Variants in STAU2 observed in about 807,000 individuals in gnomAD.
The protein encoded by STAU2 is double-stranded RNA-binding protein Staufen homolog 2.
STAU2 carries 20 observed loss-of-function variants against 65.9 expected under a neutral mutation model. The ratio of observed to expected loss-of-function variants is 0.30; its 90% confidence interval spans 0.21 to 0.44. The LOEUF (loss-of-function observed/expected upper bound fraction) is 0.44. STAU2 is among the 20% of genes least tolerant of loss of function. The pLI, the probability that STAU2 is intolerant of heterozygous loss-of-function variation, is 1.00. For missense variants in STAU2, 558 were observed against 683.9 expected, an observed-to-expected ratio of 0.82 and a Z score of 2.05; for synonymous variants, 232 against 233.9, an observed-to-expected ratio of 0.99 and a Z score of 0.07.
chr8:73,616,353 G>A (rs1392519591), intron 7 of STAU2, among the ~76,000 whole-genome samples: 1 of 152,102 alleles, frequency 6.6e-6, no homozygotes, highest in Non-Finnish European at 1.5e-5. Context: ...GATCTAGTGG[G>A]AAAACAGATC....
At chr8:73,617,263 A>T in intron 7 of STAU2, 29 bp downstream of exon 7, 1 of 1,606,098 alleles carries the variant, frequency 6.2e-7, no homozygotes, top group Non-Finnish European at 8.5e-7. Context: ...AGTAGAAAGA[A>T]CAGACTGTCA....
chr8:73,734,568 G>C (rs545559817), intron 3 of STAU2, among the ~76,000 whole-genome samples: 2 of 152,136 alleles, frequency 1.3e-5, no homozygotes, highest in Non-Finnish European at 1.5e-5. Context: ...GGCCAAGGCA[G>C]GCAGACCACG....
At chr8:73,629,428 C>T (rs537198574) in intron 6 of STAU2, among the ~76,000 whole-genome samples, 10 of 152,228 alleles carry the variant, frequency 6.6e-5, no homozygotes, top group African/African-American at 2.2e-4. Flanking sequence ...TATCCTCTCA[C>T]CTGCGATAAG....
chr8:73,552,085 G>C lies in STAU2; in HGVS notation c.1457C>G (p.Ser486Cys), dbSNP rs544513370. 160 of 1,612,580 alleles carry C rather than the reference G, an allele frequency of 9.9e-5. No individual in the cohort carries two copies. Among genetic ancestry groups the C allele is most frequent in the Non-Finnish European group, 1.3e-4 (149 of 1,179,112 alleles). The change falls in exon 13 of 15, where the codon TCT becomes TGT. Residue 486 changes from serine (S) to cysteine (C), a missense_variant. Ser to Cys is a moderately radical substitution (Grantham distance 112). Transcript: ENST00000524300. Reference sequence around the variant, plus strand: ...TACTGGAGAACAAGGGGGAGTAGGAGAACTTCCTTTTAAACCTATGGCTTC... The same window carrying C: ...TACTGGAGAACAAGGGGGAGTAGGACAACTTCCTTTTAAACCTATGGCTTC... ...TAEAIGLKGSSPTPPCSPVQP... is the reference protein window; with the variant it reads ...TAEAIGLKGSCPTPPCSPVQP...
chr8:73,627,221 GGA>G (rs1813730308), intron 6 of STAU2, among the ~76,000 whole-genome samples: 6 of 53,786 alleles, frequency 1.1e-4, no homozygotes, highest in African/African-American at 3.3e-4. Context: ...GGGGGGGGGG[GGA>G]GGGGGGGGCA....
At chr8:73,459,598 C>T (rs889754755) in intron 13 of STAU2, among the ~76,000 whole-genome samples, 9 of 151,960 alleles carry the variant, frequency 5.9e-5, no homozygotes, top group African/African-American at 2.2e-4. Context: ...TGATCCCCTC[C>T]GCGAAGACCT....
At chr8:73,590,075 G>C (rs1563442741) in intron 11 of STAU2, among the ~76,000 whole-genome samples, 1 of 149,870 alleles carries the variant, frequency 6.7e-6, no homozygotes, top group Non-Finnish European at 1.5e-5. Context: ...ATAGAAGAAA[G>C]AGGAGAAGGA....
chr8:73,668,450 C>T (rs1328388629), intron 6 of STAU2, among the ~76,000 whole-genome samples: 1 of 152,116 alleles, frequency 6.6e-6, no homozygotes, highest in East Asian at 1.9e-4. Flanking sequence ...TGCTGGTCTG[C>T]CATTTTGGCC....
intron 6 of STAU2, chr8:73,653,045 G>A (rs10100790): frequency 0.92 from 139,480 of 151,970 alleles, 64,188 homozygotes; most frequent in East Asian, 0.97. Context: ...CAATAATATC[G>A]GTTTTCAAGA....
intron 1 of STAU2, chr8:73,742,257 G>A (rs1276974912): frequency 3.0e-6 from 3 of 985,000 alleles, no homozygotes; most frequent in Non-Finnish European, 3.6e-6. Flanking sequence ...CCTCAGCTGG[G>A]TGTGGTGGCT....
chr8:73,627,975 T>G (rs1178304922), intron 6 of STAU2, among the ~76,000 whole-genome samples: 1 of 152,136 alleles, frequency 6.6e-6, no homozygotes, highest in Non-Finnish European at 1.5e-5. Context: ...ATACTTTTCA[T>G]GAAATATAGC....
At chr8:73,533,107 T>G (rs914848695) in intron 13 of STAU2, among the ~76,000 whole-genome samples, 4 of 152,230 alleles carry the variant, frequency 2.6e-5, no homozygotes, top group African/African-American at 9.6e-5. Context: ...TTAAAAATAC[T>G]TCAGAGTTTG....
chr8:73,429,285 C>T (rs1817071517), intron 13 of STAU2, among the ~76,000 whole-genome samples: 2 of 152,124 alleles, frequency 1.3e-5, no homozygotes, highest in South Asian at 4.2e-4. Flanking sequence ...GTTGTTATCA[C>T]AGCCTTGTGA....
chr8:73,679,368 C>T (rs1225363029), intron 5 of STAU2, among the ~76,000 whole-genome samples: 1 of 152,078 alleles, frequency 6.6e-6, no homozygotes, highest in Admixed American at 6.6e-5. Flanking sequence ...CAAGAACATA[C>T]CAGGAAAACT....
chr8:73,660,873 C>T (rs1816782826), intron 6 of STAU2, among the ~76,000 whole-genome samples: 2 of 152,086 alleles, frequency 1.3e-5, no homozygotes, highest in Admixed American at 6.5e-5. Context: ...AGCATACACC[C>T]AGAAATAATA....
At chr8:73,710,569 T>G (rs1378854159) in intron 3 of STAU2, among the ~76,000 whole-genome samples, 3 of 152,036 alleles carry the variant, frequency 2.0e-5, no homozygotes, top group Non-Finnish European at 4.4e-5. Flanking sequence ...TGTTGTGAGA[T>G]TAAGAGTTGT....
intron 13 of STAU2, among the ~76,000 whole-genome samples, chr8:73,488,176 T>G (rs1821008170): frequency 2.6e-5 from 4 of 152,206 alleles, no homozygotes; most frequent in African/African-American, 9.6e-5. Context: ...GAGTAGGAAT[T>G]TTTTAATTAC....
chr8:73,654,664 A>AAAAAAAAAAAAAAAAAAC (rs1554556802), intron 6 of STAU2, among the ~76,000 whole-genome samples: 5 of 122,984 alleles, frequency 4.1e-5, no homozygotes, highest in Non-Finnish European at 6.8e-5. Flanking sequence ...AAAAAAAAGA[A>AAAAAAAAAAAAAAAAAAC]CTCTTTTAAT....
rs375647181 is a variant in STAU2 at position 73,421,355 on chromosome 8, G to A, written c.*17C>T. On this transcript the variant is annotated 3_prime_UTR_variant, in exon 15 of 15. Transcript: ENST00000524300. ...GGTTTATAAGGATGCGGTGGCAGCC[G>A]CGGGTTCTGGGAGCTGCTAGACGGC... The A allele has an allele frequency of 8.1e-5, 124 of 1,536,618 alleles. No individual in the cohort carries two copies. In the African/African-American group the frequency reaches 1.2e-3, roughly 15 times the overall value.
Sources: gnomAD v4.1 joint callset for allele counts (sites outside exome capture counted in the v4.1 genomes callset) on GRCh38, gnomAD v4.1.1 for gene constraint, MANE v1.5 for transcripts, NCBI Gene and HGNC (gene_info 2026-07-23, HGNC 2026-07-21) for gene names.